The following DHX36 variants were observed in gnomAD, a reference collection of about 807,000 sequenced individuals.
DHX36 encodes DEAH-box helicase 36, also known as ATP-dependent DNA/RNA helicase DHX36.
DHX36 carries 50 observed loss-of-function variants against 139.0 expected under a neutral mutation model. The ratio of observed to expected loss-of-function variants is 0.36; its 90% CI spans 0.29 to 0.46. The LOEUF (loss-of-function observed/expected upper bound fraction) is 0.46, where lower values mean the gene tolerates loss of function less well. DHX36 is among the 20% of genes least tolerant of loss of function. The pLI is 1.00. For synonymous variants in DHX36, 425 were observed against 401.9 expected, an observed-to-expected ratio of 1.06 and a Z score of -0.69; for missense variants, 1,024 against 1,211.3, an observed-to-expected ratio of 0.85 and a Z score of 2.29.
At position 154,276,144 on chromosome 3, in the gene DHX36, G is replaced by T. The variant is rs1719141451; in HGVS notation, c.*27C>A. 2 of 1,583,212 alleles carry T rather than the reference G, an allele frequency of 1.3e-6. No homozygotes were observed. Among genetic ancestry groups the T allele is most frequent in the Non-Finnish European group, 1.7e-6 (2 of 1,167,190 alleles). On this transcript the variant is annotated 3_prime_UTR_variant, in exon 25 of 25. Transcript: ENST00000496811. ...ATGATGAAGAATGGCTGTCAAACTGGCTTTTCAGACCACCCCTGAAAAGCT... is the reference window on the plus strand; with the variant it reads ...ATGATGAAGAATGGCTGTCAAACTGTCTTTTCAGACCACCCCTGAAAAGCT...
rs1712230506 is a variant in DHX36, at chr3:154,300,624, G to T, written c.1431C>A (p.Ala477=). The part of the protein sequence containing the change: ...DDKVDLNLIV[A]LIRYIVLEEE... ...CTTCCAAAACAATGTATCGGATGAGGGCAACAATCAAATTCAGATCAACTT... is the reference window on the plus strand; with the variant it reads ...CTTCCAAAACAATGTATCGGATGAGTGCAACAATCAAATTCAGATCAACTT... Residue 477 remains alanine (A), a synonymous_variant, in exon 11 of 25, where the codon GCC becomes GCA. Transcript: ENST00000496811. The T allele has an allele frequency of 6.2e-7, 1 of 1,613,432 alleles. No homozygotes were observed.
At chr3:154,285,025 A>G (rs1259441862) in intron 17 of DHX36, 38 bp from the exon 18 acceptor site, 3 of 1,602,148 alleles carry the variant, frequency 1.9e-6, no homozygotes, top group African/African-American at 1.3e-5. Context: ...TAGATCCTGT[A>G]AAGCATTACA....
intron 4 of DHX36, among the ~76,000 whole-genome samples, chr3:154,310,124 G>A (rs576675196): frequency 3.9e-5 from 6 of 152,122 alleles, no homozygotes; most frequent in Non-Finnish European, 7.4e-5. Context: ...GATATGTGGG[G>A]CTACTGAGTA....
Position 154,284,969 on chromosome 3 carries a change from C to G in DHX36, c.2050G>C (p.Glu684Gln), listed in dbSNP as rs149205201. ...LMELNALDKQ[E>Q]ELTPLGVHLA... ...TGGACTCCAAGAGGTGTCAATTCTT[C>G]TTGTTTATCCAAAGCGTTCTGTAAA... The change falls in exon 18 of 25, where the codon GAA becomes CAA. Residue 684 changes from glutamate (E) to glutamine (Q), a missense_variant. Coordinates refer to ENST00000496811, the MANE Select transcript of DHX36 (RefSeq NM_020865.3). 21 of 1,613,980 alleles carry G rather than the reference C, an allele frequency of 1.3e-5. No individual in the cohort carries two copies. The highest frequency in any genetic ancestry group is 1.8e-5 in the Non-Finnish European group (21 of 1,180,022).
intron 16 of DHX36, among the ~76,000 whole-genome samples, chr3:154,289,471 C>T (rs2108341239): frequency 6.6e-6 from 1 of 152,292 alleles, no homozygotes; most frequent in Non-Finnish European, 1.5e-5. Flanking sequence ...ACTAGCTTTT[C>T]CGGGGTAGAA....
chr3:154,309,284 C>CA (rs1198842063), intron 5 of DHX36, among the ~76,000 whole-genome samples: 2 of 149,910 alleles, frequency 1.3e-5, no homozygotes, highest in African/African-American at 4.9e-5. Flanking sequence ...TTTACATACT[C>CA]AAAAAATGAC....
intron 13 of DHX36, among the ~76,000 whole-genome samples, chr3:154,294,807 C>T (rs1711967042): frequency 6.6e-6 from 1 of 152,186 alleles, no homozygotes; most frequent in South Asian, 2.1e-4. Flanking sequence ...ATGTAGTGTT[C>T]ACTCTAATTA....
chr3:154,310,810 T>A (rs374384123), intron 4 of DHX36, among the ~76,000 whole-genome samples: 393 of 27,620 alleles, frequency 0.014, 57 homozygotes, highest in Admixed American at 0.027. Flanking sequence ...AAAAAAAATA[T>A]ATATATATAT....
intron 14 of DHX36, among the ~76,000 whole-genome samples, chr3:154,293,363 T>C (rs555480882): frequency 6.6e-6 from 1 of 152,288 alleles, no homozygotes; most frequent in South Asian, 2.1e-4. Context: ...TAGGATCATT[T>C]TGAGCCCAGG....
chr3:154,314,804 G>T, intron 3 of DHX36: 1 of 347,924 alleles, frequency 2.9e-6, no homozygotes, highest in Non-Finnish European at 5.2e-6. Context: ...ATTGGCACTA[G>T]CATTTCTCAA....
At position 154,316,868 on chromosome 3, in the gene DHX36, T is replaced by G. The variant is rs536111727; in HGVS notation, c.244-705A>C. ...TGGAGACTTTTATATTTAGATATAG[T>G]AAGTTGAAAAGTTGAAAAACAGATT... On this transcript the variant is annotated intron_variant, in intron 1 of 24. Transcript: ENST00000496811. Among the ~76,000 whole-genome samples, 10 of 151,268 alleles carry G rather than the reference T, an allele frequency of 6.6e-5. No homozygotes were observed. In the South Asian group the frequency reaches 1.7e-3, roughly 25 times the overall value.
chr3:154,324,230 C>T lies in DHX36; in HGVS notation c.187G>A (p.Gly63Ser), dbSNP rs1347047519. The T allele has an allele frequency of 2.5e-6, 4 of 1,613,432 alleles. No individual in the cohort carries two copies. The highest frequency in any genetic ancestry group is 2.5e-6 in the Non-Finnish European group (3 of 1,179,702). Residue 63 changes from glycine (G) to serine (S), a missense_variant, in exon 1 of 25, where the codon GGC (glycine) becomes AGC (serine). By Grantham distance (56) the Gly-to-Ser change is moderately conservative (BLOSUM62 0). This residue lies in a region of DHX36 where 293 missense variants were observed against 274.4 expected (regional missense o/e 1.07). Coordinates refer to ENST00000496811, the MANE Select transcript of DHX36 (RefSeq NM_020865.3). Reference sequence around the variant, plus strand: ...CCCTGTTTTTTCGCGTACCACATGCCGATTTCGCGGCCTTTCAGGTGCCCG... The same window carrying T: ...CCCTGTTTTTTCGCGTACCACATGCTGATTTCGCGGCCTTTCAGGTGCCCG... The part of the protein sequence containing the change: ...HPGHLKGREI[G>S]MWYAKKQGQK...
At position 154,324,309 on chromosome 3, in the gene DHX36, G is replaced by A. The variant is rs1713319916; in HGVS notation, c.108C>T (p.Ser36=). 1.2e-6 allele frequency: 2 copies of A among 1,608,178 alleles called. No individual in the cohort carries two copies. Among genetic ancestry groups the A allele is most frequent in the Non-Finnish European group, 1.7e-6 (2 of 1,177,816 alleles). Residue 36 remains serine (S), a synonymous_variant, in exon 1 of 25, where the codon TCC becomes TCT. Coordinates refer to ENST00000496811, the MANE Select transcript of DHX36 (RefSeq NM_020865.3). ...PAGGHGGNRG[S]GGGGGGGGGG... is the part of the protein sequence containing the mutation. ...CCCCTCCGCCGCCGCCGCCTCCTCCGGAGCCTCGGTTACCTCCATGACCCC... is the reference window on the plus strand; with the variant it reads ...CCCCTCCGCCGCCGCCGCCTCCTCCAGAGCCTCGGTTACCTCCATGACCCC...
At chr3:154,290,564 A>T (rs1312463695) in intron 15 of DHX36, among the ~76,000 whole-genome samples, 1 of 147,058 alleles carries the variant, frequency 6.8e-6, no homozygotes, top group Non-Finnish European at 1.5e-5. Flanking sequence ...TGAACCCAGG[A>T]GGCAGAGGTT....
Position 154,288,485 on chromosome 3 carries a change from C to T in DHX36, c.2031+381G>A, listed in dbSNP as rs140295463. Among the ~76,000 whole-genome samples, 32 of 152,068 alleles carry T rather than the reference C, an allele frequency of 2.1e-4. No individual in the cohort carries two copies. The East Asian group carries it at 6.2e-3, about 30-fold the overall frequency. On this transcript the variant is annotated intron_variant, in intron 17 of 24. Transcript: ENST00000496811. The stretch of plus-strand genomic sequence containing the variant: ...GGGCTTTTAGCATACTGGGAATGTT[C>T]TTCTTGATGTAAGTAATTACTACAT...
chr3:154,304,785 A>G (rs1712436437), intron 8 of DHX36, 21 bp downstream of exon 8: 1 of 1,488,808 alleles, frequency 6.7e-7, no homozygotes. Context: ...TTCTAATGTA[A>G]TAACTATACA....
chr3:154,295,691 A>T (rs355764), intron 12 of DHX36, among the ~76,000 whole-genome samples: 107,300 of 152,096 alleles, frequency 0.71, 38,264 homozygotes, highest in South Asian at 0.77. Context: ...AGTTGGGAGT[A>T]ATCTTTTCAA....
chr3:154,286,166 C>CAAAAAAA lies in DHX36; in HGVS notation c.2032-1186_2032-1180dup, dbSNP rs60041573. ...TAACGTAATAAGAGCTTCCACACAC[C>CAAAAAAA]AAAAAAAAAAAAAAAAAAAAAAAAA... is the stretch of plus-strand genomic sequence containing the variant. On this transcript the variant is annotated intron_variant, in intron 17 of 24. Transcript: ENST00000496811. Among the ~76,000 whole-genome samples, 9 of 16,560 alleles carry CAAAAAAA rather than the reference C, an allele frequency of 5.4e-4. 2 individuals carry two copies. The highest frequency in any genetic ancestry group is 1.8e-3 in the East Asian group (1 of 566). The allele number at this position is 16,560 out of a possible 152,430, so 10.9% of individuals were successfully genotyped here. A position where few individuals can be genotyped will look rare whatever the true frequency, so the allele number is the denominator to read the frequency against.
At chr3:154,294,349 A>G (rs1175271164) in intron 13 of DHX36, among the ~76,000 whole-genome samples, 4 of 152,230 alleles carry the variant, frequency 2.6e-5, no homozygotes, top group Non-Finnish European at 5.9e-5. Context: ...TCACTAAAGT[A>G]GAAAGAAGAT....
Sources: gnomAD v4.1 joint callset for allele counts (sites outside exome capture counted in the v4.1 genomes callset) on GRCh38, gnomAD v4.1.1 for gene constraint, gnomAD v4.1.1 regional missense constraint, MANE v1.5 for transcripts, NCBI Gene and HGNC (gene_info 2026-07-23, HGNC 2026-07-21) for gene names.